Variants in PEPD observed in about 807,000 individuals in gnomAD.
The protein encoded by PEPD is peptidase D, also known as xaa-Pro dipeptidase.
A neutral mutation model predicts 60.7 loss-of-function variants in PEPD; 53 were observed. The ratio of observed to expected loss-of-function variants is 0.87; its 90% CI spans 0.70 to 1.10. PEPD has a LOEUF of 1.10. Among genes scored for constraint, PEPD ranks in the 50% least tolerant of loss-of-function variants. The pLI is 0.00. For missense variants in PEPD, 711 were observed against 711.9 expected, an observed-to-expected ratio of 1.00 and a Z score of 0.01; for synonymous variants, 267 against 284.1, an observed-to-expected ratio of 0.94 and a Z score of 0.60.
intron 12 of PEPD, among the ~76,000 whole-genome samples, chr19:33,400,468 C>T (rs1968462107): frequency 6.6e-6 from 1 of 152,254 alleles, no homozygotes; most frequent in Admixed American, 6.5e-5. Context: ...ACCAAAGATG[C>T]AGAACCTGCG....
chr19:33,482,339 A>C (rs1262129517), intron 6 of PEPD, among the ~76,000 whole-genome samples: 2 of 152,240 alleles, frequency 1.3e-5, no homozygotes, highest in African/African-American at 4.8e-5. Flanking sequence ...ACACATAATA[A>C]AACCATATGC....
At chr19:33,466,973 C>T (rs1324385877) in intron 7 of PEPD, among the ~76,000 whole-genome samples, 11 of 151,692 alleles carry the variant, frequency 7.3e-5, no homozygotes, top group Non-Finnish European at 1.6e-4. Context: ...CTGGCTAACA[C>T]GGTGAAACCC....
At chr19:33,464,133 G>C in intron 7 of PEPD, 71 bp from the exon 8 acceptor site, 4 of 1,108,196 alleles carry the variant, frequency 3.6e-6, no homozygotes, top group Non-Finnish European at 4.1e-6. Flanking sequence ...CCTCCAGGGA[G>C]AGCTCAGGGC....
At chr19:33,499,282 C>T (rs1970665486) in intron 4 of PEPD, among the ~76,000 whole-genome samples, 1 of 152,182 alleles carries the variant, frequency 6.6e-6, no homozygotes. Flanking sequence ...CCTCCTCTCT[C>T]CACAGTCCAA....
At chr19:33,433,176 G>A (rs968847782) in intron 9 of PEPD, among the ~76,000 whole-genome samples, 2 of 152,192 alleles carry the variant, frequency 1.3e-5, no homozygotes, top group African/African-American at 4.8e-5. Flanking sequence ...AGAACATGCT[G>A]GGTGATGCCT....
chr19:33,423,380 A>C (rs1207787234), intron 9 of PEPD, among the ~76,000 whole-genome samples: 1 of 152,198 alleles, frequency 6.6e-6, no homozygotes, highest in Admixed American at 6.5e-5. Flanking sequence ...GTGCCTCTTC[A>C]CTGTCCTCGG....
intron 9 of PEPD, 144 bp downstream of exon 9, chr19:33,462,851 C>T (rs1432443097): frequency 4.0e-6 from 3 of 750,584 alleles, no homozygotes; most frequent in Non-Finnish European, 7.4e-6. Context: ...GAAAAATAAT[C>T]TTTGCTTGTG....
chr19:33,494,424 G>C (rs148084718), intron 4 of PEPD, among the ~76,000 whole-genome samples: 1 of 152,218 alleles, frequency 6.6e-6, no homozygotes, highest in African/African-American at 2.4e-5. Flanking sequence ...TTTTAATACT[G>C]AGATGCCTCC....
intron 12 of PEPD, among the ~76,000 whole-genome samples, chr19:33,393,532 G>A (rs983775044): frequency 2.9e-5 from 4 of 137,672 alleles, no homozygotes; most frequent in African/African-American, 1.0e-4. Context: ...CCCCACCTCC[G>A]TGAGCCTCAG....
intron 12 of PEPD, among the ~76,000 whole-genome samples, chr19:33,400,249 G>C (rs961600853): frequency 6.6e-6 from 1 of 152,136 alleles, no homozygotes; most frequent in East Asian, 1.9e-4. Flanking sequence ...CTCTGACCTC[G>C]ACCCAGATGG....
At chr19:33,509,020 C>T (rs73594059) in intron 3 of PEPD, among the ~76,000 whole-genome samples, 2,624 of 152,356 alleles carry the variant, frequency 0.017, 98 homozygotes, top group African/African-American at 0.059. Context: ...CTCTCAGAAG[C>T]CACACTTAGC....
At chr19:33,492,898 G>A (rs551743720) in intron 5 of PEPD, among the ~76,000 whole-genome samples, 9 of 152,064 alleles carry the variant, frequency 5.9e-5, no homozygotes, top group African/African-American at 1.9e-4. Flanking sequence ...CTTTTTTTGA[G>A]ACAGGGTCCT....
At chr19:33,460,795 C>A (rs930746145) in intron 9 of PEPD, among the ~76,000 whole-genome samples, 1 of 152,180 alleles carries the variant, frequency 6.6e-6, no homozygotes, top group Admixed American at 6.5e-5. Context: ...CCGGTGCACT[C>A]GGCTGTGGCC....
At chr19:33,500,429 C>G (rs2145334536) in intron 4 of PEPD, among the ~76,000 whole-genome samples, 1 of 152,336 alleles carries the variant, frequency 6.6e-6, no homozygotes. Flanking sequence ...CCCAAGAGGA[C>G]AGCCACATGC....
intron 1 of PEPD, 125 bp downstream of exon 1, chr19:33,521,619 A>G: frequency 9.3e-7 from 1 of 1,080,564 alleles, no homozygotes; most frequent in Non-Finnish European, 1.4e-6. Context: ...CTCCGGGCCA[A>G]CGGGAAGAGG....
chr19:33,483,249 T>C (rs1347411990), intron 6 of PEPD, among the ~76,000 whole-genome samples: 2 of 152,060 alleles, frequency 1.3e-5, no homozygotes, highest in Non-Finnish European at 2.9e-5. Flanking sequence ...GATCTAAACT[T>C]CCATCCTAAG....
chr19:33,407,667 G>A (rs749941), intron 11 of PEPD, among the ~76,000 whole-genome samples: 1 of 152,190 alleles, frequency 6.6e-6, no homozygotes, highest in Middle Eastern at 3.2e-3. Context: ...GGTTTAAAAA[G>A]GAAAACAAAA....
At chr19:33,442,988 CAGT>C (rs1322829101) in intron 9 of PEPD, among the ~76,000 whole-genome samples, 2 of 152,176 alleles carry the variant, frequency 1.3e-5, no homozygotes, top group Non-Finnish European at 2.9e-5. Flanking sequence ...ATCTGGCACA[CAGT>C]AGGTGCATCA....
chr19:33,417,507 G>A (rs1307272360), intron 9 of PEPD, among the ~76,000 whole-genome samples: 1 of 152,212 alleles, frequency 6.6e-6, no homozygotes, highest in Non-Finnish European at 1.5e-5. Context: ...GCAAATCTTG[G>A]CTCTGCTGCT....
Sources: allele counts gnomAD v4.1 joint callset (sites outside exome capture counted in the v4.1 genomes callset), GRCh38; gene constraint gnomAD v4.1.1; transcripts MANE v1.5; gene names NCBI Gene and HGNC (gene_info 2026-07-23, HGNC 2026-07-21).